The following HOXA3 variants were observed in gnomAD, a reference collection of about 807,000 sequenced individuals.
HOXA3 encodes the protein homeobox A3, also known as homeobox protein Hox-A3.
Under a neutral mutation model 30.3 loss-of-function variants are expected in HOXA3, and 8 were observed. That is an observed-to-expected ratio of 0.26 (90% confidence interval 0.15 to 0.48). The LOEUF is 0.48. Ranked by LOEUF, HOXA3 falls within the 20% of genes least tolerant of loss-of-function variation. The pLI is 0.99. For synonymous variants in HOXA3, 323 were observed against 273.1 expected (o/e 1.18, Z -1.80); for missense variants, 653 against 614.4 (o/e 1.06, Z -0.66).
intron 1 of HOXA3, chr7:27,145,939 C>T: frequency 1.2e-6 from 2 of 1,603,966 alleles, no homozygotes; most frequent in Non-Finnish European, 8.5e-7. Context: ...AACGGCCGGG[C>T]GCCGGTAAGC....
Position 27,108,031 on chromosome 7 carries a change from T to C in HOXA3, c.1216A>G (p.Ser406Gly), listed in dbSNP as rs752660851. The stretch of plus-strand genomic sequence containing the variant: ...GGCCCCGGCCCGTGGTGGTGGCCGC[T>C]GCCCAGCGGCCCGGCACCCCCATAG... The part of the protein sequence containing the change: ...MDYGGAGPLG[S>G]GHHHGPGPGE... The change falls in exon 6 of 6, where the codon AGC becomes GGC. Residue 406 changes from serine to glycine, a missense_variant. Around this residue, in one of 3 missense-constraint regions of HOXA3, gnomAD observed 330 missense variants for 274.4 expected, o/e 1.20. Coordinates refer to ENST00000612286, the MANE Select transcript of HOXA3 (RefSeq NM_153631.3). The surrounding 1 kb of genome is among the most constrained non-coding windows in gnomAD (Gnocchi z 5.0). 3.7e-6 allele frequency: 6 copies of C among 1,612,748 alleles called. No homozygotes were observed. Among genetic ancestry groups the C allele is most frequent in the Non-Finnish European group, 4.2e-6 (5 of 1,179,248 alleles).
chr7:27,130,917 C>G (rs1785532776), intron 2 of HOXA3: 7 of 643,448 alleles, frequency 1.1e-5, no homozygotes, highest in Non-Finnish European at 1.7e-5. Context: ...TCGAGCCGCT[C>G]CTCCCCAGCC....
At chr7:27,146,889 G>A (rs1371016119) in intron 1 of HOXA3, among the ~76,000 whole-genome samples, 1 of 152,222 alleles carries the variant, frequency 6.6e-6, no homozygotes, top group Non-Finnish European at 1.5e-5. Context: ...GTTTCTGAAG[G>A]GCAGAAAGGA....
At chr7:27,142,699 T>G (rs1021483062) in intron 1 of HOXA3, 3 of 288,270 alleles carry the variant, frequency 1.0e-5, no homozygotes, top group Non-Finnish European at 1.3e-5. Context: ...ACAAGCCCGA[T>G]TCACGGCTGC....
chr7:27,143,620 A>C, intron 1 of HOXA3: 1 of 1,583,292 alleles, frequency 6.3e-7, no homozygotes, highest in Non-Finnish European at 8.6e-7. Flanking sequence ...GTTTTTTGAT[A>C]TGTGTGCTTG....
chr7:27,125,281 TAAG>T (rs1473362505), intron 3 of HOXA3, among the ~76,000 whole-genome samples: 2 of 152,232 alleles, frequency 1.3e-5, no homozygotes, highest in African/African-American at 4.8e-5. Context: ...ATCTGTAAAT[TAAG>T]AAGATTGAAC....
intron 3 of HOXA3, chr7:27,123,889 C>G (rs1785160297): frequency 6.6e-6 from 1 of 152,270 alleles, no homozygotes; most frequent in Non-Finnish European, 1.5e-5. Context: ...CGCCCCCTTT[C>G]TCTTGTTCAA....
rs1405961370 is a variant in HOXA3, at chr7:27,129,331, G to C, written c.-389-2261C>G. 1.9e-6 allele frequency: 3 copies of C among 1,614,192 alleles called. No individual in the cohort carries two copies. The African/African-American group carries it at 4.0e-5, about 22-fold the overall frequency. On this transcript the variant is annotated intron_variant, in intron 2 of 5. Coordinates refer to ENST00000612286, the MANE Select transcript of HOXA3 (RefSeq NM_153631.3). ...TGGTGGGCCGGCAGAGGCCGAGGCC[G>C]AATTGGAGGATCGCATCTTGGTGTT...
chr7:27,146,251 T>TTTGTG (rs1782763449), intron 1 of HOXA3, among the ~76,000 whole-genome samples: 1 of 149,012 alleles, frequency 6.7e-6, no homozygotes, highest in Non-Finnish European at 1.5e-5. Flanking sequence ...GTGTGTGTGT[T>TTTGTG]TGTGTGTGTG....
intron 2 of HOXA3, among the ~76,000 whole-genome samples, chr7:27,134,504 G>T (rs1238189968): frequency 1.3e-5 from 2 of 152,178 alleles, no homozygotes; most frequent in Non-Finnish European, 2.9e-5. Context: ...TGTGTCACAT[G>T]TTTTTAACCA....
intron 2 of HOXA3, among the ~76,000 whole-genome samples, chr7:27,136,191 A>C (rs1247419752): frequency 6.6e-6 from 1 of 152,196 alleles, no homozygotes; most frequent in Non-Finnish European, 1.5e-5. Flanking sequence ...AAGATACACA[A>C]AGCCGAGCCT....
chr7:27,147,528 G>T, intron 1 of HOXA3: 2 of 1,614,208 alleles, frequency 1.2e-6, no homozygotes, highest in Non-Finnish European at 1.7e-6. Context: ...ACGAGGCCCC[G>T]TACTCGTAGG....
rs374352147 is a variant in HOXA3 at position 27,108,682 on chromosome 7, C to G, written c.565G>C (p.Ala189Pro). ...CAGDKSPPGQ[A>P]SSKRARTAYT... ...GCCGTGCGCGCGCGCTTGGACGAAGCCTGCCCCGGCGGGCTCTTGTCGCCA... is the reference window on the plus strand; with the variant it reads ...GCCGTGCGCGCGCGCTTGGACGAAGGCTGCCCCGGCGGGCTCTTGTCGCCA... Residue 189 changes from alanine to proline, a missense_variant, in exon 6 of 6, where the codon GCT (alanine) becomes CCT (proline). Physicochemically the swap from Ala to Pro is conservative, Grantham distance 27. Transcript: ENST00000612286. This position sits in a 1 kb window ranked among gnomAD's most constrained non-coding sequence, Gnocchi z 5.0. The G allele has an allele frequency of 4.0e-5, 64 of 1,608,356 alleles. 1 individual carries two copies. The highest frequency in any genetic ancestry group is 3.3e-4 in the Middle Eastern group (2 of 6,060).
chr7:27,128,770 C>T (rs1785388896), intron 2 of HOXA3: 1 of 192,868 alleles, frequency 5.2e-6, no homozygotes, highest in Non-Finnish European at 1.1e-5. Flanking sequence ...ACAATGTCTA[C>T]TCATTTATTC....
chr7:27,140,671 C>G (rs1281998489), intron 1 of HOXA3: 1 of 152,222 alleles, frequency 6.6e-6, no homozygotes, highest in Non-Finnish European at 1.5e-5. Context: ...GACATAGCAG[C>G]GTCTTCAGCA....
At chr7:27,144,889 G>T (rs953377059) in intron 1 of HOXA3, among the ~76,000 whole-genome samples, 1 of 152,210 alleles carries the variant, frequency 6.6e-6, no homozygotes, top group African/African-American at 2.4e-5. Flanking sequence ...TGGGCCCCTC[G>T]TTGGGTCCTG....
At chr7:27,150,522 C>A (rs1056682862) in intron 1 of HOXA3, 3 of 152,784 alleles carry the variant, frequency 2.0e-5, no homozygotes, top group African/African-American at 7.2e-5. Flanking sequence ...CCCTTCACAG[C>A]CCTCTCCTGG....
intron 1 of HOXA3, chr7:27,143,186 T>C (rs1782635387): frequency 1.2e-6 from 2 of 1,611,134 alleles, no homozygotes; most frequent in South Asian, 1.1e-5. Flanking sequence ...GCCAACCCCC[T>C]CTCTGCTGCT....
At chr7:27,125,042 C>T (rs1057325381) in intron 3 of HOXA3, among the ~76,000 whole-genome samples, 5 of 152,202 alleles carry the variant, frequency 3.3e-5, no homozygotes, top group Non-Finnish European at 4.4e-5. Flanking sequence ...TTTGATGGCC[C>T]ATGAGGCAAG....
Sources: gnomAD v4.1 joint callset for allele counts (sites outside exome capture counted in the v4.1 genomes callset) on GRCh38, gnomAD v4.1.1 for gene constraint, gnomAD v4.1.1 regional missense constraint, Gnocchi (gnomAD v3.1) non-coding constraint, MANE v1.5 for transcripts, NCBI Gene and HGNC (gene_info 2026-07-23, HGNC 2026-07-21) for gene names.